MSR1: variants seen among roughly 807,000 people sequenced by gnomAD.
The protein encoded by MSR1 is macrophage scavenger receptor 1, also known as macrophage scavenger receptor types I and II.
MSR1 carries 53 observed loss-of-function variants against 47.2 expected under a neutral mutation model. The ratio of observed to expected loss-of-function variants is 1.12; its 90% CI spans 0.90 to 1.41. The LOEUF (loss-of-function observed/expected upper bound fraction) is 1.41, where lower values mean the gene tolerates loss of function less well. Among genes scored for constraint, MSR1 ranks in the 40% most tolerant of loss-of-function variants. MSR1 has a pLI of 0.00. For missense variants in MSR1, 786 were observed against 546.9 expected (o/e 1.44, Z -4.36); for synonymous variants, 239 against 185.6 (o/e 1.29, Z -2.34).
intron 5 of MSR1, among the ~76,000 whole-genome samples, chr8:16,159,078 A>G (rs1337480286): frequency 6.6e-6 from 1 of 151,632 alleles, no homozygotes; most frequent in Admixed American, 6.6e-5. Flanking sequence ...CTGGGATTAC[A>G]GGCATGAGCC....
At chr8:16,144,351 GT>G (rs972063485) in intron 7 of MSR1, among the ~76,000 whole-genome samples, 13 of 151,634 alleles carry the variant, frequency 8.6e-5, no homozygotes, top group African/African-American at 2.2e-4. Flanking sequence ...TGCTTATTGA[GT>G]TTTTTTTCCA....
At chr8:16,143,521 A>G in intron 8 of MSR1, 37 bp downstream of exon 8, 1 of 1,579,734 alleles carries the variant, frequency 6.3e-7, no homozygotes, top group African/African-American at 1.3e-5. Context: ...TACTTATTAC[A>G]AGAATTCACA....
rs1006802915 is a variant in MSR1, at chr8:16,157,663, A to G, written c.818-2519T>C. On this transcript the variant is annotated intron_variant, in intron 5 of 9. Transcript: ENST00000262101. The stretch of plus-strand genomic sequence containing the variant: ...ATTCATTGGGGGAATAAAATAACAA[A>G]TTATATACCACTTTACTCTTAGTTT... Among the ~76,000 whole-genome samples the G allele has an allele frequency of 2.6e-5, 4 of 152,050 alleles. No individual in the cohort carries two copies. The South Asian group carries it at 8.3e-4, about 32-fold the overall frequency.
chr8:16,177,259 G>A (rs1219434608), intron 2 of MSR1, among the ~76,000 whole-genome samples: 1 of 152,108 alleles, frequency 6.6e-6, no homozygotes, highest in African/African-American at 2.4e-5. Context: ...TTAAAATGAA[G>A]TGATATTGGA....
intron 5 of MSR1, among the ~76,000 whole-genome samples, chr8:16,163,040 A>G (rs1305272486): frequency 6.6e-6 from 1 of 152,058 alleles, no homozygotes; most frequent in African/African-American, 2.4e-5. Flanking sequence ...GTATTTTAGG[A>G]TGAATGTTAA....
chr8:16,121,211 T>A (rs1310363207), intron 8 of MSR1: 2 of 407,358 alleles, frequency 4.9e-6, no homozygotes, highest in South Asian at 3.8e-5. Flanking sequence ...TTTTTCCTCT[T>A]TAGAAAAAAA....
intron 1 of MSR1, among the ~76,000 whole-genome samples, chr8:16,189,524 C>T (rs1436582517): frequency 3.6e-5 from 3 of 84,106 alleles, no homozygotes; most frequent in African/African-American, 6.5e-5. Context: ...TATAAAAAAT[C>T]ATATTTTATA....
rs33913066 is a variant in MSR1 at position 16,109,143 on chromosome 8, T to C, written c.*942A>G. ...CTTTTTTGGGGCATGCTCAGAGTTA[T>C]TGTCCCTTTAGGACTAAAGACGCAC... On this transcript the variant is annotated 3_prime_UTR_variant, in exon 10 of 10. Transcript: ENST00000262101. 0.085 allele frequency: 12,689 copies of C among 149,546 alleles called. 766 individuals are homozygous for C. The highest frequency in any genetic ancestry group is 0.15 in the African/African-American group (5,954 of 40,140). 9.3% of individuals were successfully genotyped at this position (149,546 alleles called of 1,614,324 possible). A position where few individuals can be genotyped will look rare whatever the true frequency, so the allele number is the denominator to read the frequency against.
intron 8 of MSR1, chr8:16,139,196 A>T (rs1013626112): frequency 1.2e-6 from 1 of 851,250 alleles, no homozygotes; most frequent in Admixed American, 6.2e-5. Context: ...CATGACATTT[A>T]TTCAGCTTCT....
At chr8:16,166,582 A>G (rs1000331825) in intron 4 of MSR1, among the ~76,000 whole-genome samples, 1 of 152,020 alleles carries the variant, frequency 6.6e-6, no homozygotes, top group South Asian at 2.1e-4. Flanking sequence ...AAAAAATCCT[A>G]TATAGCATCC....
At chr8:16,177,798 T>A in intron 2 of MSR1, 88 bp downstream of exon 2, 3 of 1,017,332 alleles carry the variant, frequency 2.9e-6, no homozygotes, top group Non-Finnish European at 4.6e-6. Flanking sequence ...TCCACTTACA[T>A]TTAAGGTAAG....
chr8:16,164,998 T>A (rs1049011218), intron 4 of MSR1, among the ~76,000 whole-genome samples: 10 of 152,126 alleles, frequency 6.6e-5, no homozygotes, highest in African/African-American at 2.4e-4. Context: ...AGTAATTTAG[T>A]GGAATTGAAT....
chr8:16,140,953 C>T (rs1346703308), intron 8 of MSR1: 1 of 1,613,682 alleles, frequency 6.2e-7, no homozygotes, highest in African/African-American at 1.3e-5. Flanking sequence ...AGGTGAAGGG[C>T]CTTTTAATGA....
At chr8:16,153,513 T>C (rs891177016) in intron 6 of MSR1, among the ~76,000 whole-genome samples, 57 of 151,896 alleles carry the variant, frequency 3.8e-4, no homozygotes, top group African/African-American at 1.4e-3. Flanking sequence ...AATTATGACA[T>C]CACTTTTTAC....
At chr8:16,117,489 C>T (rs1030991187) in intron 9 of MSR1, among the ~76,000 whole-genome samples, 1 of 152,126 alleles carries the variant, frequency 6.6e-6, no homozygotes, top group Non-Finnish European at 1.5e-5. Flanking sequence ...TGATGGCAGG[C>T]TTTAGAGTCG....
At chr8:16,126,865 A>G (rs1800141358) in intron 8 of MSR1, among the ~76,000 whole-genome samples, 1 of 152,114 alleles carries the variant, frequency 6.6e-6, no homozygotes, top group Non-Finnish European at 1.5e-5. Flanking sequence ...CCATAGGTAT[A>G]ATTTTGCACA....
At chr8:16,139,495 T>G in intron 8 of MSR1, 3 of 984,260 alleles carry the variant, frequency 3.0e-6, no homozygotes, top group Non-Finnish European at 3.6e-6. Flanking sequence ...ATCTTAATAG[T>G]ATGAATCTTG....
intron 1 of MSR1, among the ~76,000 whole-genome samples, chr8:16,191,884 T>G (rs1038531986): frequency 3.9e-5 from 6 of 152,194 alleles, no homozygotes; most frequent in African/African-American, 1.4e-4. Context: ...AAGATTTATT[T>G]TTGATAGACT....
intron 9 of MSR1, 95 bp from the exon 10 acceptor site, chr8:16,110,313 A>G: frequency 7.2e-7 from 1 of 1,390,548 alleles, no homozygotes. Flanking sequence ...TAATTAAACA[A>G]AAAAGTGTTG....
Sources: gnomAD v4.1 joint callset for allele counts (sites outside exome capture counted in the v4.1 genomes callset) on GRCh38, gnomAD v4.1.1 for gene constraint, MANE v1.5 for transcripts, NCBI Gene and HGNC (gene_info 2026-07-23, HGNC 2026-07-21) for gene names.